SLC35D1: variants seen among roughly 807,000 people sequenced by gnomAD.
SLC35D1 encodes nucleotide sugar transporter SLC35D1.
A neutral mutation model predicts 46.7 loss-of-function variants in SLC35D1; 31 were observed. The observed-to-expected ratio is 0.66, with a 90% CI of 0.50 to 0.90. The LOEUF (loss-of-function observed/expected upper bound fraction) is 0.90, where lower values mean the gene tolerates loss of function less well. Ranked by LOEUF, SLC35D1 falls within the 40% of genes least tolerant of loss-of-function variation. The pLI is 0.00. For missense variants in SLC35D1, 397 were observed against 426.2 expected (o/e 0.93, Z 0.60); for synonymous variants, 195 against 164.6 (o/e 1.18, Z -1.41).
chr1:67,031,967 A>G (rs890537267), intron 8 of SLC35D1: 4 of 747,698 alleles, frequency 5.3e-6, no homozygotes, highest in Non-Finnish European at 6.5e-6. Flanking sequence ...AATGAAACAA[A>G]ACTTCTGCTT....
chr1:66,973,592 T>A, the SLC35D1 span, among the ~76,000 whole-genome samples: 2 of 152,082 alleles, frequency 1.3e-5, no homozygotes, highest in Non-Finnish European at 2.9e-5. Context: ...CAAATAGCTT[T>A]ATAATTACTT....
chr1:67,009,191 C>A, intron 10 of SLC35D1, 24 bp from the exon 11 acceptor site: 1 of 912,910 alleles, frequency 1.1e-6, no homozygotes, highest in Non-Finnish European at 1.7e-6. Flanking sequence ...TAGTAATATA[C>A]TGTTATATAG....
intron 8 of SLC35D1, among the ~76,000 whole-genome samples, chr1:67,040,057 C>T (rs887877504): frequency 5.3e-5 from 8 of 151,134 alleles, no homozygotes; most frequent in African/African-American, 1.7e-4. Flanking sequence ...TGCAGTGGCA[C>T]AATCATGGCT....
chr1:67,026,767 GA>G (rs1667922166), intron 8 of SLC35D1, among the ~76,000 whole-genome samples: 2 of 152,128 alleles, frequency 1.3e-5, no homozygotes, highest in African/African-American at 4.8e-5. Flanking sequence ...ATTTATAAAA[GA>G]AAGAGGTTTA....
the SLC35D1 span, chr1:66,984,692 A>G: frequency 6.2e-7 from 1 of 1,614,074 alleles, no homozygotes. Context: ...ATGGATACTA[A>G]TGGTTATGAA....
At chr1:67,050,314 G>A (rs994406306) in intron 5 of SLC35D1, 119 bp downstream of exon 5, 1 of 730,756 alleles carries the variant, frequency 1.4e-6, no homozygotes, top group Admixed American at 2.4e-5. Flanking sequence ...CAAGAGAGAG[G>A]GTTGCTTAAA....
chr1:67,040,536 A>G lies in SLC35D1; in HGVS notation c.729+1700T>C, dbSNP rs142857978. On this transcript the variant is annotated intron_variant, in intron 8 of 11. Transcript: ENST00000235345. ...TCTGCTAATGTTTCTAAGGTCTTTG[A>G]CTTCTACCTTCTAATTTGAAGAGTC... Among the ~76,000 whole-genome samples, 673 of 152,228 alleles carry G rather than the reference A, an allele frequency of 4.4e-3. 5 individuals carry two copies. The highest frequency in any genetic ancestry group is 0.015 in the African/African-American group (643 of 41,516).
rs1325165102 is a variant in SLC35D1, at chr1:67,001,894, G to T, written c.*2446C>A. On this transcript the variant is annotated 3_prime_UTR_variant, in exon 12 of 12. Transcript: ENST00000235345. ...GCCAGAAGTTTCAGCATAAGCCAGG[G>T]CTCCCAAGGCACAGAAGCCTGTCAC... is the stretch of plus-strand genomic sequence containing the variant. The T allele has an allele frequency of 1.3e-5, 2 of 152,338 alleles. No homozygotes were observed. The highest frequency in any genetic ancestry group is 4.8e-5 in the African/African-American group (2 of 41,432). 9.4% of individuals were successfully genotyped at this position (152,338 alleles called of 1,614,324 possible).
intron 8 of SLC35D1, among the ~76,000 whole-genome samples, chr1:67,037,802 G>A (rs973331920): frequency 1.3e-5 from 2 of 152,036 alleles, no homozygotes; most frequent in Non-Finnish European, 2.9e-5. Flanking sequence ...AAAGAAAAAA[G>A]ATTAATAAAT....
chr1:66,985,651 A>C, the SLC35D1 span: 2 of 984,868 alleles, frequency 2.0e-6, no homozygotes, highest in Non-Finnish European at 2.4e-6. Flanking sequence ...AATTTTCTTA[A>C]CTTGTACAGT....
intron 6 of SLC35D1, among the ~76,000 whole-genome samples, chr1:67,047,797 G>C (rs1294639438): frequency 6.6e-6 from 1 of 152,162 alleles, no homozygotes; most frequent in African/African-American, 2.4e-5. Flanking sequence ...ATCTTGCATA[G>C]GTAGTTGGGC....
At chr1:66,987,349 T>G in the SLC35D1 span, 2 of 152,676 alleles carry the variant, frequency 1.3e-5, no homozygotes, top group Non-Finnish European at 2.9e-5. Context: ...CAAATTGCAT[T>G]GGAAAAAGAA....
chr1:67,037,580 G>A (rs1031558436), intron 8 of SLC35D1, among the ~76,000 whole-genome samples: 2 of 152,136 alleles, frequency 1.3e-5, no homozygotes, highest in African/African-American at 2.4e-5. Flanking sequence ...GGATAACTTA[G>A]CACCAATTTA....
rs182550937 is a variant in SLC35D1, at chr1:67,045,667, C to T, written c.636+1598G>A. Among the ~76,000 whole-genome samples, 923 of 152,116 alleles carry T rather than the reference C, an allele frequency of 6.1e-3. 5 individuals carry two copies. The highest frequency in any genetic ancestry group is 9.5e-3 in the Non-Finnish European group (646 of 67,978). ...GAAACTTTGATTTTTTTTCTAGATT[C>T]TAGGATATACTATAGATTGTACTAA... On this transcript the variant is annotated intron_variant, in intron 7 of 11. Transcript: ENST00000235345.
chr1:67,008,380 G>A (rs541945643), intron 11 of SLC35D1: 1 of 1,278,260 alleles, frequency 7.8e-7, no homozygotes. Context: ...CTTGTGATCT[G>A]CCCGCCTCAG....
chr1:67,053,432 G>A, intron 1 of SLC35D1, among the ~76,000 whole-genome samples: 1 of 152,320 alleles, frequency 6.6e-6, no homozygotes, highest in Admixed American at 6.5e-5. Flanking sequence ...CCCTGTCCAG[G>A]CTGCGGAGGA....
At chr1:66,985,347 A>G in the SLC35D1 span, 1 of 985,504 alleles carries the variant, frequency 1.0e-6, no homozygotes, top group Non-Finnish European at 1.2e-6. Flanking sequence ...GTTTCTTGAA[A>G]TGTCTTTAAA....
At chr1:67,053,751 G>C in intron 1 of SLC35D1, 60 bp downstream of exon 1, 1 of 1,393,156 alleles carries the variant, frequency 7.2e-7, no homozygotes, top group African/African-American at 1.5e-5. Context: ...AGCCGGCGCC[G>C]CGCCGCCGCC....
chr1:66,999,019 A>T (rs1667278286), downstream of SLC35D1, among the ~76,000 whole-genome samples: 1 of 152,188 alleles, frequency 6.6e-6, no homozygotes. Context: ...AAAAAGGTTT[A>T]ATATGCTTCT....
Sources: gnomAD v4.1 joint callset for allele counts (sites outside exome capture counted in the v4.1 genomes callset) on GRCh38, gnomAD v4.1.1 for gene constraint, MANE v1.5 for transcripts, NCBI Gene and HGNC (gene_info 2026-07-23, HGNC 2026-07-21) for gene names.